Variants in NEO1 observed in about 807,000 individuals in gnomAD.
The protein encoded by NEO1 is neogenin.
In NEO1, 63 loss-of-function variants were observed where a neutral mutation model predicts 159.7. That is an observed-to-expected ratio of 0.39 (90% CI 0.32 to 0.49). The LOEUF (loss-of-function observed/expected upper bound fraction) is 0.49. Ranked by LOEUF, NEO1 falls within the 20% of genes least tolerant of loss-of-function variation. The probability of loss-of-function intolerance (pLI) is 0.85; values close to 1 mark genes in which losing one functional copy is unlikely to be tolerated. For synonymous variants in NEO1, 633 were observed against 662.0 expected, an observed-to-expected ratio of 0.96 and a Z score of 0.67; for missense variants, 1,615 against 1,831.0, an observed-to-expected ratio of 0.88 and a Z score of 2.15.
rs1234365168 is a variant in NEO1, at chr15:73,273,927, T to C, written c.3082T>C (p.Tyr1028His). The change falls in exon 20 of 29, where the codon TAC (tyrosine) becomes CAC (histidine). Residue 1028 changes from tyrosine to histidine, a missense_variant. Physicochemically the swap from Tyr to His is moderately conservative, Grantham distance 83. Around this residue, in one of 3 missense-constraint regions of NEO1, gnomAD observed 126 missense variants for 216.7 expected, o/e 0.58. Coordinates refer to ENST00000261908, the MANE Select transcript of NEO1 (RefSeq NM_002499.4). ...ACAAGAGTTAACTCTTGACACACCA[T>C]ACTACTTCAAAATCCAGGCACGGAA... ...QIQELTLDTPYYFKIQARNSK... is the reference protein window; with the variant it reads ...QIQELTLDTPHYFKIQARNSK... 2 of 1,613,984 alleles carry C rather than the reference T, an allele frequency of 1.2e-6. No individual in the cohort carries two copies. The highest frequency in any genetic ancestry group is 3.3e-5 in the Admixed American group (2 of 59,990).
chr15:73,203,010 T>G (rs917636772), intron 7 of NEO1, among the ~76,000 whole-genome samples: 2 of 152,214 alleles, frequency 1.3e-5, no homozygotes, highest in Non-Finnish European at 2.9e-5. Context: ...CACATTTTGA[T>G]TATCTGTTCA....
upstream of NEO1, among the ~76,000 whole-genome samples, chr15:73,052,119 C>T (rs1340412572): frequency 6.6e-6 from 1 of 150,598 alleles, no homozygotes; most frequent in Non-Finnish European, 1.5e-5. Flanking sequence ...ACGCCAGCAG[C>T]AGCGCCCGGC....
At chr15:73,284,494 T>C (rs527563829) in intron 23 of NEO1, among the ~76,000 whole-genome samples, 25 of 152,284 alleles carry the variant, frequency 1.6e-4, no homozygotes, top group African/African-American at 5.5e-4. Flanking sequence ...GAAATAGCTT[T>C]CCATAGCTTG....
chr15:73,187,796 G>A (rs1192305141), intron 7 of NEO1, among the ~76,000 whole-genome samples: 1 of 152,098 alleles, frequency 6.6e-6, no homozygotes, highest in Non-Finnish European at 1.5e-5. Context: ...CCCAAATTGT[G>A]CCCTTTAAGA....
chr15:73,249,150 A>C lies in NEO1; in HGVS notation c.1697A>C (p.Asn566Thr), dbSNP rs201806496. The C allele has an allele frequency of 3.1e-6, 5 of 1,613,944 alleles. No homozygotes were observed. The change falls in exon 10 of 29, where the codon AAT (asparagine) becomes ACT (threonine). Residue 566 changes from asparagine (N) to threonine (T), a missense_variant. By Grantham distance (65) the Asn-to-Thr change is moderately conservative (BLOSUM62 0). Transcript: ENST00000261908. ...TVTWETPVSGNGEIQNYKLYY... is the reference protein window; with the variant it reads ...TVTWETPVSGTGEIQNYKLYY... ...ACGTGGGAAACACCAGTGTCTGGCA[A>C]TGGGGAAATTCAGAATTATAAATTG...
chr15:73,271,819 A>C (rs1157433970), intron 18 of NEO1, among the ~76,000 whole-genome samples: 1 of 151,758 alleles, frequency 6.6e-6, no homozygotes, highest in Non-Finnish European at 1.5e-5. Context: ...AGGCACGAGA[A>C]TCACTTGAAC....
Position 73,258,893 on chromosome 15 carries a change from G to A in NEO1, c.2203+17G>A, listed in dbSNP as rs758460339. 2.9e-5 allele frequency: 47 copies of A among 1,601,476 alleles called. 2 individuals are homozygous for A. The South Asian group carries it at 4.8e-4, about 17-fold the overall frequency. ...ACCTAGATGGTAAGAATAACAATTG[G>A]CAAGACTGGAACACAATAGATACTA... On this transcript the variant is annotated intron_variant, in intron 14 of 28. Coordinates refer to ENST00000261908, the MANE Select transcript of NEO1 (RefSeq NM_002499.4).
intron 7 of NEO1, among the ~76,000 whole-genome samples, chr15:73,229,451 GT>G (rs200164416): frequency 0.035 from 4,620 of 131,788 alleles, 229 homozygotes; most frequent in East Asian, 0.25. Context: ...AGTTTTAGTT[GT>G]TTTTTTTTTT....
chr15:73,254,563 A>G, intron 12 of NEO1, 119 bp from the exon 13 acceptor site: 1 of 984,082 alleles, frequency 1.0e-6, no homozygotes, highest in Non-Finnish European at 1.5e-6. Flanking sequence ...TAAAACTCTG[A>G]GTACCTTGCT....
intron 7 of NEO1, among the ~76,000 whole-genome samples, chr15:73,215,180 G>A (rs187841404): frequency 6.6e-6 from 1 of 152,276 alleles, no homozygotes; most frequent in East Asian, 1.9e-4. Context: ...CTTTCTGGAG[G>A]AGTCTTTAGG....
At chr15:73,295,074 T>A (rs1016728272) in intron 26 of NEO1, among the ~76,000 whole-genome samples, 1 of 146,858 alleles carries the variant, frequency 6.8e-6, no homozygotes, top group African/African-American at 2.5e-5. Flanking sequence ...AGCCCATGAG[T>A]TTGTGACCAG....
Position 73,070,785 on chromosome 15 carries a change from G to C in NEO1, c.130+17980G>C, listed in dbSNP as rs563259517. ...AGTTAAGTGAATGTTCTGTCTCTCT[G>C]TCTCACAGATTATCTAAATATTTTC... On this transcript the variant is annotated intron_variant, in intron 1 of 28. Coordinates refer to ENST00000261908, the MANE Select transcript of NEO1 (RefSeq NM_002499.4). 3.1e-4 allele frequency among the ~76,000 whole-genome samples: 47 copies of C among 152,248 alleles called. 1 individual carries two copies. Among genetic ancestry groups the C allele is most frequent in the African/African-American group, 1.1e-3 (46 of 41,544 alleles).
intron 3 of NEO1, among the ~76,000 whole-genome samples, chr15:73,124,046 G>A (rs1170798780): frequency 1.3e-5 from 2 of 151,934 alleles, no homozygotes; most frequent in Non-Finnish European, 2.9e-5. Context: ...GTGTGTGAGC[G>A]CCTGTGCACG....
Position 73,243,190 on chromosome 15 carries a change from A to G in NEO1, c.1452-1154A>G, listed in dbSNP as rs992155187. On this transcript the variant is annotated intron_variant, in intron 8 of 28. Transcript: ENST00000261908. ...CCTCTGTAAATATTGTGTGGGTACT[A>G]TTGTTGGATTTTTTAATTAAAATAA... Among the ~76,000 whole-genome samples the G allele has an allele frequency of 3.4e-5, 5 of 147,568 alleles. 1 individual carries two copies. The highest frequency in any genetic ancestry group is 4.5e-5 in the Non-Finnish European group (3 of 66,966).
At chr15:73,288,219 A>T in intron 23 of NEO1, 94 bp from the exon 24 acceptor site, 1 of 1,206,678 alleles carries the variant, frequency 8.3e-7, no homozygotes, top group Non-Finnish European at 1.2e-6. Context: ...TGCTTGAAAC[A>T]TCTCTCAGAA....
intron 1 of NEO1, among the ~76,000 whole-genome samples, chr15:73,094,506 A>G (rs2069887204): frequency 6.6e-6 from 1 of 152,212 alleles, no homozygotes; most frequent in Non-Finnish European, 1.5e-5. Context: ...CCTTTTGGCT[A>G]TTATGAATAA....
chr15:73,167,415 G>T (rs1323946026), intron 5 of NEO1, among the ~76,000 whole-genome samples: 1 of 152,098 alleles, frequency 6.6e-6, no homozygotes, highest in Non-Finnish European at 1.5e-5. Flanking sequence ...GGCCAGCTAG[G>T]TGCCTGGAAC....
At chr15:73,200,346 C>G (rs1035746392) in intron 7 of NEO1, among the ~76,000 whole-genome samples, 9 of 151,692 alleles carry the variant, frequency 5.9e-5, no homozygotes, top group Non-Finnish European at 4.4e-5. Context: ...TTTGGGAGGC[C>G]GAGGTGGGCA....
In NEO1 at chr15:73,293,387, C is replaced by T. The variant is rs2042232249; in HGVS notation, c.3743-3C>T. 1.2e-6 allele frequency: 2 copies of T among 1,613,984 alleles called. No individual in the cohort carries two copies. Among genetic ancestry groups the T allele is most frequent in the African/African-American group, 1.3e-5 (1 of 74,930 alleles). ...CATTTCTCTGTCTTGTGTTCATTCA[C>T]AGCTGTGATTAGTGCCCATCCCATC... On this transcript the variant is annotated splice_region_variant and splice_polypyrimidine_tract_variant and intron_variant, in intron 25 of 28. Coordinates refer to ENST00000261908, the MANE Select transcript of NEO1 (RefSeq NM_002499.4).
Sources: allele counts gnomAD v4.1 joint callset (sites outside exome capture counted in the v4.1 genomes callset), GRCh38; gene constraint gnomAD v4.1.1; regional missense constraint gnomAD v4.1.1; transcripts MANE v1.5; gene names NCBI Gene and HGNC (gene_info 2026-07-23, HGNC 2026-07-21).